The following NFIB variants were observed in gnomAD, a reference collection of about 807,000 sequenced individuals.
The protein encoded by NFIB is nuclear factor 1 B-type.
Under a neutral mutation model 61.5 loss-of-function variants are expected in NFIB, and 11 were observed. That is an observed-to-expected ratio of 0.18 (90% CI 0.11 to 0.30). The LOEUF is 0.30. NFIB is among the 10% of genes least tolerant of loss of function. The pLI is 1.00. For synonymous variants in NFIB, 260 were observed against 216.5 expected (o/e 1.20, Z -1.76); for missense variants, 471 against 608.9 (o/e 0.77, Z 2.38).
intron 2 of NFIB, among the ~76,000 whole-genome samples, chr9:14,227,876 C>T (rs1474365466): frequency 6.6e-6 from 1 of 152,182 alleles, no homozygotes. Context: ...TCCAGCCACT[C>T]AACCTCTCAG....
rs536603885 is a variant in NFIB at position 14,393,688 on chromosome 9, T to C, written c.108+4836A>G. The stretch of plus-strand genomic sequence containing the variant: ...AATGAGCTTGCCTACCAGGAGGATT[T>C]ATCTCACTTAGCAGAGCACTCCCGA... On this transcript the variant is annotated intron_variant, in intron 1 of 8. Coordinates refer to the NFIB transcript ENST00000380934. 6.8e-4 allele frequency among the ~76,000 whole-genome samples: 104 copies of C among 152,330 alleles called. 1 individual carries two copies. Among genetic ancestry groups the C allele is most frequent in the African/African-American group, 2.2e-3 (93 of 41,574 alleles).
At position 14,291,375 on chromosome 9, in the gene NFIB, C is replaced by T. The variant is rs578169396; in HGVS notation, c.562+15614G>A. The stretch of plus-strand genomic sequence containing the variant: ...TGGTATGCACCTGTAATCCCAGCTA[C>T]TTGGGAGGCTGATTCAGGAGAATTG... On this transcript the variant is annotated intron_variant, in intron 2 of 10. Coordinates refer to ENST00000380953, the MANE Select transcript of NFIB (RefSeq NM_001190737.2). Among the ~76,000 whole-genome samples the T allele has an allele frequency of 9.9e-5, 15 of 152,062 alleles. No individual in the cohort carries two copies. The South Asian group carries it at 2.9e-3, about 29-fold the overall frequency.
At chr9:14,360,044 T>C (rs2061220046) in intron 1 of NFIB, among the ~76,000 whole-genome samples, 1 of 152,254 alleles carries the variant, frequency 6.6e-6, no homozygotes, top group Admixed American at 6.5e-5. Flanking sequence ...AGTGCTCATC[T>C]GCACAGAGAG....
intron 1 of NFIB, among the ~76,000 whole-genome samples, chr9:14,368,919 T>C (rs1317468245): frequency 6.6e-6 from 1 of 152,176 alleles, no homozygotes; most frequent in Non-Finnish European, 1.5e-5. Flanking sequence ...ACAATATCAA[T>C]GCCTACCTCA....
At chr9:14,398,509 G>C (rs779267331) in intron 1 of NFIB, 11 of 1,519,806 alleles carry the variant, frequency 7.2e-6, no homozygotes, top group Non-Finnish European at 9.7e-6. Context: ...TTAAATTTGT[G>C]AAATTTAGAC....
At chr9:14,433,099 T>A in the NFIB span, among the ~76,000 whole-genome samples, 1 of 152,320 alleles carries the variant, frequency 6.6e-6, no homozygotes, top group African/African-American at 2.4e-5. Context: ...TAGTGGGGTA[T>A]AATTTTGGAG....
the NFIB span, among the ~76,000 whole-genome samples, chr9:14,406,088 A>G: frequency 6.6e-6 from 1 of 152,156 alleles, no homozygotes; most frequent in African/African-American, 2.4e-5. Context: ...CTTCACTCAT[A>G]TTACAAGTGG....
chr9:14,506,351 C>T, the NFIB span, among the ~76,000 whole-genome samples: 1 of 152,114 alleles, frequency 6.6e-6, no homozygotes. Context: ...ATGCTAGGTG[C>T]TCGGGAGGAC....
intron 10 of NFIB, among the ~76,000 whole-genome samples, chr9:14,099,014 G>A (rs184705345): frequency 5.9e-5 from 9 of 152,276 alleles, no homozygotes; most frequent in African/African-American, 2.2e-4. Context: ...CCTTGGCACT[G>A]CCATTTTCAG....
intron 2 of NFIB, among the ~76,000 whole-genome samples, chr9:14,226,000 A>C (rs2052364706): frequency 1.3e-5 from 2 of 152,222 alleles, no homozygotes; most frequent in Admixed American, 1.3e-4. Flanking sequence ...TTCAGATTTA[A>C]TTATTATAGT....
chr9:14,379,433 A>G (rs2061457559), intron 1 of NFIB, among the ~76,000 whole-genome samples: 1 of 152,218 alleles, frequency 6.6e-6, no homozygotes, highest in East Asian at 1.9e-4. Context: ...GCTGAGACAT[A>G]AAAGACTATT....
At chr9:14,193,869 G>A (rs1276265740) in intron 2 of NFIB, among the ~76,000 whole-genome samples, 1 of 152,116 alleles carries the variant, frequency 6.6e-6, no homozygotes, top group Admixed American at 6.5e-5. Context: ...TTTTTGGATA[G>A]AACTAACAGG....
intron 2 of NFIB, among the ~76,000 whole-genome samples, chr9:14,260,405 A>G (rs1354633954): frequency 1.3e-5 from 2 of 152,216 alleles, no homozygotes; most frequent in South Asian, 2.1e-4. Context: ...AGTCATGTAA[A>G]TATCCTTTTA....
chr9:14,095,762 C>A (rs2118683993), intron 10 of NFIB, among the ~76,000 whole-genome samples: 1 of 152,258 alleles, frequency 6.6e-6, no homozygotes, highest in East Asian at 1.9e-4. Context: ...TTACTTGTAT[C>A]AGAATGCTGA....
chr9:14,486,102 A>G, the NFIB span, among the ~76,000 whole-genome samples: 12 of 152,238 alleles, frequency 7.9e-5, 1 homozygote, highest in Admixed American at 7.2e-4. Flanking sequence ...GTCTAAATTG[A>G]TATCTTCAAG....
chr9:14,463,951 C>T, the NFIB span, among the ~76,000 whole-genome samples: 3 of 152,188 alleles, frequency 2.0e-5, no homozygotes, highest in East Asian at 1.9e-4. Context: ...TGAGCCAGGG[C>T]GCCTGGCCTC....
the NFIB span, among the ~76,000 whole-genome samples, chr9:14,474,064 T>C: frequency 2.0e-5 from 3 of 152,234 alleles, no homozygotes; most frequent in Admixed American, 2.0e-4. Flanking sequence ...AGACATATGC[T>C]GAATAAATGT....
intron 1 of NFIB, among the ~76,000 whole-genome samples, chr9:14,376,267 T>C (rs957328457): frequency 3.3e-5 from 5 of 152,148 alleles, no homozygotes; most frequent in Admixed American, 3.3e-4. Context: ...GAGCAGAAAA[T>C]TCCACATTAC....
At chr9:14,474,843 T>A in the NFIB span, among the ~76,000 whole-genome samples, 1 of 152,146 alleles carries the variant, frequency 6.6e-6, no homozygotes, top group Non-Finnish European at 1.5e-5. Flanking sequence ...AGTTCAAATC[T>A]GATGGCTCAA....
Sources: allele counts gnomAD v4.1 joint callset (sites outside exome capture counted in the v4.1 genomes callset), GRCh38; gene constraint gnomAD v4.1.1; transcripts MANE v1.5; gene names NCBI Gene and HGNC (gene_info 2026-07-23, HGNC 2026-07-21).